SKIC3: variants seen among roughly 807,000 people sequenced by gnomAD.
The protein encoded by SKIC3 is superkiller complex protein 3.
At chr5:95,495,037 T>C in the SKIC3 span, 45 of 1,612,290 alleles carry the variant, frequency 2.8e-5, no homozygotes, top group East Asian at 9.8e-4. Flanking sequence ...AAAATATTGA[T>C]GATTTATACA....
chr5:95,486,254 G>C, the SKIC3 span, among the ~76,000 whole-genome samples: 1 of 152,096 alleles, frequency 6.6e-6, no homozygotes, highest in Non-Finnish European at 1.5e-5. Flanking sequence ...GATATTCCCT[G>C]CCCACAGCCA....
At chr5:95,535,307 A>ATT in the SKIC3 span, among the ~76,000 whole-genome samples, 4,149 of 91,692 alleles carry the variant, frequency 0.045, 103 homozygotes, top group Non-Finnish European at 0.05. Flanking sequence ...GGTAACAGCA[A>ATT]TTTTTTTTTT....
chr5:95,496,409 T>C, the SKIC3 span, among the ~76,000 whole-genome samples: 75 of 152,074 alleles, frequency 4.9e-4, no homozygotes, highest in South Asian at 6.0e-3. Flanking sequence ...GAGGGGAGTA[T>C]AGAGGAGACC....
chr5:95,519,095 A>C, the SKIC3 span, among the ~76,000 whole-genome samples: 149 of 152,052 alleles, frequency 9.8e-4, no homozygotes, highest in African/African-American at 3.4e-3. Flanking sequence ...AAAAAAAAAA[A>C]ACAAAAATCT....
At chr5:95,553,851 G>A in the SKIC3 span, among the ~76,000 whole-genome samples, 1 of 152,212 alleles carries the variant, frequency 6.6e-6, no homozygotes. Flanking sequence ...GAGCCACCGC[G>A]CCCAACACTG....
chr5:95,497,351 A>T, the SKIC3 span: 1 of 1,338,138 alleles, frequency 7.5e-7, no homozygotes, highest in Non-Finnish European at 1.1e-6. Context: ...ATAGTTTAAA[A>T]TTATCATATT....
the SKIC3 span, among the ~76,000 whole-genome samples, chr5:95,551,302 G>A: frequency 6.6e-6 from 1 of 152,038 alleles, no homozygotes; most frequent in African/African-American, 2.4e-5. Flanking sequence ...TGCAGAGAAT[G>A]GAAGTGGTTT....
the SKIC3 span, among the ~76,000 whole-genome samples, chr5:95,489,922 A>G: frequency 5.9e-5 from 9 of 152,330 alleles, no homozygotes; most frequent in East Asian, 1.7e-3. Context: ...TAATACCATT[A>G]AACAAAAGCC....
At chr5:95,485,552 T>C in the SKIC3 span, among the ~76,000 whole-genome samples, 2 of 152,238 alleles carry the variant, frequency 1.3e-5, no homozygotes, top group Non-Finnish European at 1.5e-5. Flanking sequence ...AGTGTTGTTA[T>C]GAATTTCTCC....
At chr5:95,494,144 T>A in the SKIC3 span, among the ~76,000 whole-genome samples, 3 of 152,170 alleles carry the variant, frequency 2.0e-5, no homozygotes, top group South Asian at 6.2e-4. Context: ...AACTGTTTCT[T>A]GAAAATATGT....
the SKIC3 span, among the ~76,000 whole-genome samples, chr5:95,539,717 G>A: frequency 3.3e-5 from 5 of 151,968 alleles, no homozygotes; most frequent in African/African-American, 1.2e-4. Flanking sequence ...CGTGGCACAT[G>A]CCTGTAATCC....
chr5:95,504,422 CT>C, the SKIC3 span, among the ~76,000 whole-genome samples: 1 of 151,524 alleles, frequency 6.6e-6, no homozygotes, highest in African/African-American at 2.4e-5. Context: ...CGAAGTGTCT[CT>C]TTTTTTTCTT....
At chr5:95,471,178 CAAAG>C in the SKIC3 span, among the ~76,000 whole-genome samples, 1 of 152,070 alleles carries the variant, frequency 6.6e-6, no homozygotes, top group Admixed American at 6.5e-5. Flanking sequence ...GTACATCTGA[CAAAG>C]AAAGTAAGGC....
chr5:95,465,963 T>C, the SKIC3 span, among the ~76,000 whole-genome samples: 1 of 152,340 alleles, frequency 6.6e-6, no homozygotes, highest in East Asian at 1.9e-4. Flanking sequence ...AACATTCATA[T>C]ATGTTCCACC....
At chr5:95,500,880 G>A in the SKIC3 span, among the ~76,000 whole-genome samples, 5 of 151,946 alleles carry the variant, frequency 3.3e-5, no homozygotes, top group Non-Finnish European at 7.4e-5. Flanking sequence ...CTACCATTAC[G>A]TCTTTGGACT....
chr5:95,498,027 C>T, the SKIC3 span, among the ~76,000 whole-genome samples: 2 of 152,136 alleles, frequency 1.3e-5, no homozygotes, highest in Non-Finnish European at 2.9e-5. Context: ...ATTAATGAAT[C>T]TTTAAACGGC....
the SKIC3 span, among the ~76,000 whole-genome samples, chr5:95,499,440 A>G: frequency 1.3e-5 from 2 of 152,302 alleles, no homozygotes; most frequent in Admixed American, 1.3e-4. Context: ...CAATGCTGCC[A>G]TACTTCCTGT....
chr5:95,521,929 T>C, the SKIC3 span: 17 of 1,202,466 alleles, frequency 1.4e-5, no homozygotes, highest in African/African-American at 1.5e-4. Context: ...GAGGTTCATA[T>C]GGATGCTTGC....
chr5:95,547,685 T>C, the SKIC3 span, among the ~76,000 whole-genome samples: 2 of 152,072 alleles, frequency 1.3e-5, no homozygotes, highest in African/African-American at 2.4e-5. Flanking sequence ...CAAATGATCT[T>C]GTTGATCAGG....
Sources: gnomAD v4.1 joint callset for allele counts (sites outside exome capture counted in the v4.1 genomes callset) on GRCh38, gnomAD v4.1.1 for gene constraint, MANE v1.5 for transcripts, NCBI Gene and HGNC (gene_info 2026-07-23, HGNC 2026-07-21) for gene names.